The following TCAIM variants were observed in gnomAD, a reference collection of about 807,000 sequenced individuals.
TCAIM encodes the protein T cell activation inhibitor, mitochondrial.
TCAIM carries 36 observed loss-of-function variants against 58.6 expected under a neutral mutation model. The observed-to-expected ratio is 0.61, with a 90% CI of 0.47 to 0.81. The LOEUF (loss-of-function observed/expected upper bound fraction) is 0.81, where lower values mean the gene tolerates loss of function less well. Ranked by LOEUF, TCAIM falls within the 30% of genes least tolerant of loss-of-function variation. The pLI, the probability that TCAIM is intolerant of heterozygous loss-of-function variation, is 0.00. For synonymous variants in TCAIM, 172 were observed against 193.6 expected, an observed-to-expected ratio of 0.89 and a Z score of 0.93; for missense variants, 466 against 579.6, an observed-to-expected ratio of 0.80 and a Z score of 2.01.
At chr3:44,348,773 G>A (rs1041221224) in intron 1 of TCAIM, among the ~76,000 whole-genome samples, 2 of 152,230 alleles carry the variant, frequency 1.3e-5, no homozygotes, top group Admixed American at 1.3e-4. Context: ...GTCTAGGGCA[G>A]TAAAGCGTCT....
intron 3 of TCAIM, chr3:44,358,997 G>A (rs1701250878): frequency 1.0e-6 from 1 of 984,068 alleles, no homozygotes; most frequent in Non-Finnish European, 1.2e-6. Flanking sequence ...ATTAACTCGG[G>A]GATGCATTAA....
At chr3:44,397,676 C>T (rs1701955940) in intron 8 of TCAIM, among the ~76,000 whole-genome samples, 1 of 152,176 alleles carries the variant, frequency 6.6e-6, no homozygotes, top group Non-Finnish European at 1.5e-5. Context: ...TATGGTAGAG[C>T]ATTTTAACTT....
rs1702007450 is a variant in TCAIM at position 44,400,565 on chromosome 3, G to C, written c.1096G>C (p.Gly366Arg). Residue 366 changes from glycine (G) to arginine (R), a missense_variant, in exon 9 of 11, where the codon GGT becomes CGT. Transcript: ENST00000342649. ...RILFHPRSLR[G>R]LQMILNSDRY... The stretch of plus-strand genomic sequence containing the variant: ...ACTATTTCACCCTCGAAGTTTGCGT[G>C]GTTTACAAATGATCCTTAACAGGTA... 1 of 1,612,950 alleles carries C rather than the reference G, an allele frequency of 6.2e-7. No homozygotes were observed.
At chr3:44,392,761 A>C in intron 5 of TCAIM, 94 bp from the exon 6 acceptor site, 2 of 1,206,886 alleles carry the variant, frequency 1.7e-6, no homozygotes, top group South Asian at 1.7e-5. Context: ...AGTCTTTGCT[A>C]TTGTGAATAT....
At chr3:44,356,264 C>T (rs574271273) in intron 2 of TCAIM, among the ~76,000 whole-genome samples, 139 of 152,302 alleles carry the variant, frequency 9.1e-4, no homozygotes, top group Non-Finnish European at 1.6e-3. Flanking sequence ...CAGTGGCTCA[C>T]GCCTGTAATC....
chr3:44,356,546 AG>A (rs1464028097), intron 2 of TCAIM, among the ~76,000 whole-genome samples: 5 of 151,840 alleles, frequency 3.3e-5, no homozygotes, highest in African/African-American at 7.3e-5. Context: ...AGGATGGAAA[AG>A]GTAAATTATA....
At chr3:44,403,681 A>T (rs981896329) in intron 10 of TCAIM, among the ~76,000 whole-genome samples, 11 of 152,180 alleles carry the variant, frequency 7.2e-5, no homozygotes, top group African/African-American at 2.7e-4. Flanking sequence ...CAAATAGGTC[A>T]ATTTGTGAAT....
intron 5 of TCAIM, among the ~76,000 whole-genome samples, chr3:44,377,958 CTA>C (rs1227700732): frequency 6.6e-6 from 1 of 152,142 alleles, no homozygotes; most frequent in African/African-American, 2.4e-5. Context: ...CATAATTAAA[CTA>C]GAGCTTTTGC....
intron 1 of TCAIM, among the ~76,000 whole-genome samples, chr3:44,344,874 C>G (rs1700933542): frequency 6.6e-6 from 1 of 151,918 alleles, no homozygotes; most frequent in African/African-American, 2.4e-5. Context: ...GGTGCTCAGT[C>G]GGGGAGCTTC....
intron 1 of TCAIM, among the ~76,000 whole-genome samples, chr3:44,353,358 G>A (rs574796025): frequency 1.3e-5 from 2 of 152,290 alleles, no homozygotes; most frequent in East Asian, 1.9e-4. Flanking sequence ...CCAAGTTTTA[G>A]CAGTTATAAA....
chr3:44,397,147 A>G (rs1285496834), intron 8 of TCAIM, among the ~76,000 whole-genome samples: 2 of 152,192 alleles, frequency 1.3e-5, no homozygotes, highest in African/African-American at 4.8e-5. Flanking sequence ...GGTATAACTG[A>G]CATTTAATAA....
Position 44,372,009 on chromosome 3 carries a change from AGAAGGAAGGAAGGAAGGAAG to A in TCAIM, c.572+4350_572+4369del, listed in dbSNP as rs568035350. Among the ~76,000 whole-genome samples the A allele has an allele frequency of 9.1e-3, 1,049 of 115,562 alleles. 10 individuals are homozygous for A. Among genetic ancestry groups the A allele is most frequent in the African/African-American group, 0.023 (663 of 28,574 alleles). 75.8% of individuals were successfully genotyped at this position (115,562 alleles called of 152,430 possible). ...TAGAGAGAGAGAGAGAGAGAAAGAG[AGAAGGAAGGAAGGAAGGAAG>A]GAAGGAAGGAAGGAAGGAAGGAAGG... On this transcript the variant is annotated intron_variant, in intron 5 of 10. Transcript: ENST00000342649.
chr3:44,399,822 T>G (rs1210294247), intron 8 of TCAIM, among the ~76,000 whole-genome samples: 1 of 152,198 alleles, frequency 6.6e-6, no homozygotes, highest in Non-Finnish European at 1.5e-5. Flanking sequence ...TTTTGTTTCC[T>G]TGTACCCCAA....
intron 5 of TCAIM, among the ~76,000 whole-genome samples, chr3:44,373,548 G>A (rs1463969254): frequency 1.3e-5 from 2 of 151,886 alleles, no homozygotes; most frequent in Non-Finnish European, 2.9e-5. Flanking sequence ...CAGCTACTTG[G>A]GTGACTGAGG....
chr3:44,354,775 A>G lies in TCAIM; in HGVS notation c.-8A>G. 3 of 1,611,034 alleles carry G rather than the reference A, an allele frequency of 1.9e-6. No homozygotes were observed. Among genetic ancestry groups the G allele is most frequent in the Non-Finnish European group, 2.5e-6 (3 of 1,179,390 alleles). On this transcript the variant is annotated 5_prime_UTR_variant, in exon 2 of 11. It adds an upstream start codon to the 5' untranslated region. Coordinates refer to ENST00000342649, the MANE Select transcript of TCAIM (RefSeq NM_173826.4). ...TGCCTCGAAGTTGACGTACATATAT[A>G]TTCAGAAATGTTTTGCCACCTGAGA...
At chr3:44,355,397 AAG>A (rs1229623279) in intron 2 of TCAIM, among the ~76,000 whole-genome samples, 1 of 152,216 alleles carries the variant, frequency 6.6e-6, no homozygotes, top group African/African-American at 2.4e-5. Flanking sequence ...GAAACCATGA[AAG>A]AGGGTTTCAA....
At chr3:44,341,246 C>T (rs1275025777) in intron 1 of TCAIM, 1 of 152,106 alleles carries the variant, frequency 6.6e-6, no homozygotes. Context: ...TGACCCAGAA[C>T]ACTGTCTTTA....
At chr3:44,389,169 A>G (rs2125649810) in intron 5 of TCAIM, among the ~76,000 whole-genome samples, 1 of 152,306 alleles carries the variant, frequency 6.6e-6, no homozygotes, top group African/African-American at 2.4e-5. Flanking sequence ...GCCCACCTGT[A>G]GTCCCAGCTA....
chr3:44,381,222 T>C (rs933752212), intron 5 of TCAIM, among the ~76,000 whole-genome samples: 20 of 152,054 alleles, frequency 1.3e-4, no homozygotes, highest in Non-Finnish European at 1.8e-4. Flanking sequence ...CAAAAAATCC[T>C]AGAAAAATTA....
Sources: gnomAD v4.1 joint callset for allele counts (sites outside exome capture counted in the v4.1 genomes callset) on GRCh38, gnomAD v4.1.1 for gene constraint, MANE v1.5 for transcripts, NCBI Gene and HGNC (gene_info 2026-07-23, HGNC 2026-07-21) for gene names.